CUL4B: variants seen among roughly 807,000 people sequenced by gnomAD.
CUL4B encodes the protein cullin-4B.
In CUL4B, 1 loss-of-function variant was observed where a neutral mutation model predicts 69.2. That is an observed-to-expected ratio of 0.01 (90% CI 0.01 to 0.07). The LOEUF is 0.07. Among genes scored for constraint, CUL4B ranks in the 10% least tolerant of loss-of-function variants. The pLI is 1.00. For missense variants in CUL4B, 328 were observed against 638.8 expected, an observed-to-expected ratio of 0.51 and a Z score of 5.24; for synonymous variants, 237 against 223.2, an observed-to-expected ratio of 1.06 and a Z score of -0.55.
intron 18 of CUL4B, among the ~76,000 whole-genome samples, chrX:120,531,332 T>A (rs113876547): frequency 1.9e-5 from 2 of 107,753 alleles, no homozygotes; most frequent in Non-Finnish European, 3.9e-5. Flanking sequence ...AAAAAAAAAT[T>A]TTTTTTTTTT....
chrX:120,542,857 T>C, intron 9 of CUL4B, 109 bp downstream of exon 9: 1 of 543,281 alleles, frequency 1.8e-6, no homozygotes, highest in East Asian at 3.6e-5. Context: ...TCCTCAGAAA[T>C]GCAGCCACAT....
chrX:120,561,296 C>A, upstream of CUL4B: 1 of 544,710 alleles, frequency 1.8e-6, no homozygotes, highest in Non-Finnish European at 3.4e-6. Context: ...GCAGCGCCTT[C>A]CTTCCCTGGC....
rs750950939 is a variant in CUL4B at position 120,533,895 on chromosome X, G to A, written c.2266+586C>T. Among the ~76,000 whole-genome samples the A allele has an allele frequency of 2.2e-3, 248 of 110,487 alleles. 1 individual carries two copies. The highest frequency in any genetic ancestry group is 9.7e-3 in the Admixed American group (101 of 10,366). ...AGCCTGGCCAACATGGTGAAACCCC[G>A]TCTCTACTAAAAATACAAACATTAG... On this transcript the variant is annotated intron_variant, in intron 17 of 19. Coordinates refer to ENST00000371322, the MANE Select transcript of CUL4B (RefSeq NM_001079872.2).
At chrX:120,543,116 T>A (rs1164617578) in intron 8 of CUL4B, 83 bp from the exon 9 acceptor site, 5 of 556,381 alleles carry the variant, frequency 9.0e-6, no homozygotes, top group Non-Finnish European at 1.5e-5. Context: ...GGGAAAAAAA[T>A]CAAATAGCTC....
chrX:120,525,218 A>C lies in CUL4B; in HGVS notation c.*1543T>G, dbSNP rs1211509661. On this transcript the variant is annotated 3_prime_UTR_variant, in exon 20 of 20. Coordinates refer to ENST00000371322, the MANE Select transcript of CUL4B (RefSeq NM_001079872.2). ...AATACCTGGCCACAGGTCTTTGAGAACTCAAGCAAACAATCAACAGTAGAC... is the reference window on the plus strand; with the variant it reads ...AATACCTGGCCACAGGTCTTTGAGACCTCAAGCAAACAATCAACAGTAGAC... The C allele has an allele frequency of 8.9e-6, 1 of 111,773 alleles. No individual in the cohort carries two copies. The highest frequency in any genetic ancestry group is 1.9e-5 in the Non-Finnish European group (1 of 53,080). The allele number at this position is 111,773 out of a possible 1,213,427, so 9.2% of individuals were successfully genotyped here.
chrX:120,566,734 C>T (rs1327852054), downstream of CUL4B, among the ~76,000 whole-genome samples: 2 of 110,874 alleles, frequency 1.8e-5, no homozygotes, highest in Admixed American at 1.9e-4. Context: ...TATCTTACAT[C>T]GCCTGAAGTT....
Position 120,544,638 on chromosome X carries a change from A to G in CUL4B, c.926T>C (p.Met309Thr), listed in dbSNP as rs61754550. Residue 309 changes from methionine to threonine, a missense_variant, in exon 6 of 20, where the codon ATG becomes ACG. Met to Thr is a moderately conservative substitution (Grantham distance 81, BLOSUM62 -1). This residue lies in a region of CUL4B where 126 missense variants were observed against 202.5 expected (regional missense o/e 0.62). Coordinates refer to ENST00000371322, the MANE Select transcript of CUL4B (RefSeq NM_001079872.2). ...QNSMLPSIWD[M>T]GLELFRAHII... ...ATGAGCCCTAAATAACTCCAGTCCC[A>G]TGTCCCTAAAATAAAAAACACATAT... 10 of 1,202,456 alleles carry G rather than the reference A, an allele frequency of 8.3e-6. No individual in the cohort carries two copies. Among genetic ancestry groups the G allele is most frequent in the Non-Finnish European group, 1.1e-5 (10 of 888,894 alleles).
intron 2 of CUL4B, among the ~76,000 whole-genome samples, chrX:120,557,322 C>T (rs1206807958): frequency 1.8e-5 from 2 of 111,572 alleles, no homozygotes; most frequent in African/African-American, 6.5e-5. Context: ...AGGGATTGCC[C>T]TTAGGAACTG....
upstream of CUL4B, among the ~76,000 whole-genome samples, chrX:120,563,509 C>CT (rs1183763137): frequency 8.9e-6 from 1 of 111,858 alleles, no homozygotes; most frequent in African/African-American, 3.3e-5. Context: ...AGTGCTGGGC[C>CT]TACCATATAG....
rs574535531 is a variant in CUL4B, at chrX:120,541,810, C to T, written c.1325-90G>A. On this transcript the variant is annotated intron_variant, in intron 9 of 19. Transcript: ENST00000371322. The stretch of plus-strand genomic sequence containing the variant: ...ATTTTAATAAAATTTGAGTTATAAT[C>T]ATTATTGTGATACTGGTTTGAACTA... 5.0e-6 allele frequency: 3 copies of T among 605,131 alleles called. No homozygotes were observed. In the African/African-American group the frequency reaches 6.6e-5, roughly 13 times the overall value. The allele number at this position is 605,131 out of a possible 1,213,427, so 49.9% of individuals were successfully genotyped here.
At position 120,540,461 on chromosome X, in the gene CUL4B, G is replaced by A. The variant is rs369210448; in HGVS notation, c.1545C>T (p.Cys515=). 26 of 1,198,112 alleles carry A rather than the reference G, an allele frequency of 2.2e-5. No individual in the cohort carries two copies. The highest frequency in any genetic ancestry group is 2.8e-5 in the Non-Finnish European group (25 of 884,516). Residue 515 remains cysteine, a synonymous_variant, in exon 11 of 20, where the codon TGC becomes TGT. Transcript: ENST00000371322. ...TGATAAATTTCTCATTCTTCAGAAA[G>A]CAGATATCAATTATATGGTCAACCT... ...KDKVDHIIDI[C]FLKNEKFINA...
At chrX:120,545,804 C>A (rs746998481) in intron 4 of CUL4B, among the ~76,000 whole-genome samples, 33 of 100,688 alleles carry the variant, frequency 3.3e-4, no homozygotes, top group South Asian at 9.8e-4. Flanking sequence ...ATTCTTCCTG[C>A]GCCACAGTGC....
rs1467635647 is a variant in CUL4B, at chrX:120,531,656, C to T, written c.2439+766G>A. Among the ~76,000 whole-genome samples, 9 of 109,855 alleles carry T rather than the reference C, an allele frequency of 8.2e-5. No individual in the cohort carries two copies. The Admixed American group carries it at 8.8e-4, about 11-fold the overall frequency. On this transcript the variant is annotated intron_variant, in intron 18 of 19. Coordinates refer to ENST00000371322, the MANE Select transcript of CUL4B (RefSeq NM_001079872.2). ...TGTATTTTTAGTAGAGACAGGGTAT[C>T]GCCATGTTGGCCAAGCTGGTTTTGA...
At chrX:120,573,975 C>T (rs1048008311) in intron 2 of CUL4B, among the ~76,000 whole-genome samples, 1 of 109,457 alleles carries the variant, frequency 9.1e-6, no homozygotes, top group African/African-American at 3.3e-5. Context: ...AGGCGCGTGC[C>T]GTTACCACGC....
rs1286853892 is a variant in CUL4B, at chrX:120,539,390, T to A, written c.1637-18A>T. The A allele has an allele frequency of 9.5e-7, 1 of 1,051,808 alleles. No individual in the cohort carries two copies. 86.7% of individuals were successfully genotyped at this position (1,051,808 alleles called of 1,213,427 possible). On this transcript the variant is annotated intron_variant, in intron 11 of 19. Coordinates refer to ENST00000371322, the MANE Select transcript of CUL4B (RefSeq NM_001079872.2). ...ATACTTAGCTAAAATGGGGGAAAAG[T>A]TTGTTGTTTAATAACCGGGGAATAC...
chrX:120,558,702 TAGAA>T (rs1317298444), intron 1 of CUL4B, among the ~76,000 whole-genome samples: 1 of 112,088 alleles, frequency 8.9e-6, no homozygotes, highest in Non-Finnish European at 1.9e-5. Flanking sequence ...ATTTTCAGAA[TAGAA>T]AGAAACATCT....
At chrX:120,548,293 G>C (rs779362244) in intron 2 of CUL4B, among the ~76,000 whole-genome samples, 2 of 111,210 alleles carry the variant, frequency 1.8e-5, no homozygotes, top group Non-Finnish European at 3.8e-5. Flanking sequence ...AAGCTGTCTT[G>C]TTTAAAATGT....
chrX:120,540,279 G>C (rs1173917281), intron 11 of CUL4B, 91 bp downstream of exon 11: 3 of 853,575 alleles, frequency 3.5e-6, no homozygotes, highest in Non-Finnish European at 5.2e-6. Flanking sequence ...TCAGGAATTA[G>C]TAATACTACA....
chrX:120,550,385 A>G lies in CUL4B; in HGVS notation c.673-3146T>C, dbSNP rs149267293. 8.4e-3 allele frequency among the ~76,000 whole-genome samples: 941 copies of G among 111,897 alleles called. 16 individuals carry two copies. Among genetic ancestry groups the G allele is most frequent in the African/African-American group, 0.029 (908 of 30,780 alleles). On this transcript the variant is annotated intron_variant, in intron 2 of 19. Transcript: ENST00000371322. ...CCTGCACATAGAAAGGGCTTCTAGT[A>G]TGAGAAAAGTTGCCAGAAAACGTGT...
Sources: gnomAD v4.1 joint callset for allele counts (sites outside exome capture counted in the v4.1 genomes callset) on GRCh38, gnomAD v4.1.1 for gene constraint, gnomAD v4.1.1 regional missense constraint, MANE v1.5 for transcripts, NCBI Gene and HGNC (gene_info 2026-07-23, HGNC 2026-07-21) for gene names.